The following PAX5 variants were observed in gnomAD, a reference collection of about 807,000 sequenced individuals.
PAX5 encodes the protein paired box 5.
Under a neutral mutation model 43.7 loss-of-function variants are expected in PAX5, and 9 were observed. That is an observed-to-expected ratio of 0.21 (90% CI 0.12 to 0.36). The LOEUF is 0.36. Among genes scored for constraint, PAX5 ranks in the 10% least tolerant of loss-of-function variants. The pLI is 1.00. For synonymous variants in PAX5, 228 were observed against 214.3 expected, an observed-to-expected ratio of 1.06 and a Z score of -0.56; for missense variants, 383 against 532.7, an observed-to-expected ratio of 0.72 and a Z score of 2.77.
intron 5 of PAX5, among the ~76,000 whole-genome samples, chr9:36,998,201 T>A: frequency 6.6e-6 from 1 of 152,222 alleles, no homozygotes. Context: ...TCTTACCTGC[T>A]GCTGAAGAAC....
intron 8 of PAX5, chr9:36,861,115 T>C (rs1824176287): frequency 6.6e-6 from 1 of 151,842 alleles, no homozygotes. Flanking sequence ...AGAGGGCAAA[T>C]GCAGGGCTCA....
At chr9:36,891,909 C>T (rs989829976) in intron 7 of PAX5, among the ~76,000 whole-genome samples, 10 of 152,310 alleles carry the variant, frequency 6.6e-5, no homozygotes, top group African/African-American at 2.2e-4. Flanking sequence ...CTCCTCACTC[C>T]TTCCTCTGAA....
At chr9:36,996,006 G>A (rs933182330) in intron 5 of PAX5, among the ~76,000 whole-genome samples, 3 of 152,224 alleles carry the variant, frequency 2.0e-5, no homozygotes, top group Admixed American at 2.0e-4. Context: ...TTCTGCAGCC[G>A]ACACCTGGGG....
intron 7 of PAX5, among the ~76,000 whole-genome samples, chr9:36,907,408 G>A (rs1426232436): frequency 3.3e-5 from 5 of 152,106 alleles, no homozygotes; most frequent in Non-Finnish European, 7.4e-5. Flanking sequence ...ATAGCATGGG[G>A]GAGGCCATAG....
At chr9:36,928,971 C>T (rs1170850557) in intron 6 of PAX5, among the ~76,000 whole-genome samples, 1 of 152,216 alleles carries the variant, frequency 6.6e-6, no homozygotes, top group African/African-American at 2.4e-5. Flanking sequence ...CTGGAAACCA[C>T]TGCATGTCTC....
chr9:36,847,486 C>T lies in PAX5; in HGVS notation c.1013-557G>A, dbSNP rs142509299. Among the ~76,000 whole-genome samples the T allele has an allele frequency of 1.9e-4, 29 of 152,234 alleles. No individual in the cohort carries two copies. The East Asian group carries it at 4.8e-3, about 25-fold the overall frequency. ...GTGGCTGTCCCTGGGGCCTCAGTCT[C>T]GTCAGGGAGATGAGACATAAACCCA... On this transcript the variant is annotated intron_variant, in intron 8 of 9. Transcript: ENST00000358127.
intron 7 of PAX5, among the ~76,000 whole-genome samples, chr9:36,895,619 T>C (rs1827796704): frequency 6.6e-6 from 1 of 152,278 alleles, no homozygotes; most frequent in South Asian, 2.1e-4. Flanking sequence ...GCCTGGCCCA[T>C]GTAAGTGCTC....
chr9:36,942,748 T>C (rs1477351407), intron 6 of PAX5, among the ~76,000 whole-genome samples: 2 of 152,202 alleles, frequency 1.3e-5, no homozygotes, highest in Non-Finnish European at 2.9e-5. Flanking sequence ...AATTTTAACC[T>C]AGGTTATGTA....
At chr9:36,991,749 G>A (rs1313267618) in intron 5 of PAX5, among the ~76,000 whole-genome samples, 2 of 151,814 alleles carry the variant, frequency 1.3e-5, no homozygotes, top group African/African-American at 4.8e-5. Context: ...GTCCTGGGTC[G>A]ATGGTGCCAC....
intron 5 of PAX5, among the ~76,000 whole-genome samples, chr9:36,984,931 G>C (rs1408516619): frequency 6.6e-6 from 1 of 152,172 alleles, no homozygotes; most frequent in Non-Finnish European, 1.5e-5. Flanking sequence ...TGGGAGCAGG[G>C]ACCTGGGTCC....
At chr9:36,955,997 A>G (rs1833441301) in intron 6 of PAX5, among the ~76,000 whole-genome samples, 1 of 152,210 alleles carries the variant, frequency 6.6e-6, no homozygotes. Flanking sequence ...GACTTCCTTA[A>G]GTCAAACTTC....
intron 4 of PAX5, among the ~76,000 whole-genome samples, chr9:37,004,441 T>C (rs1271606187): frequency 3.3e-5 from 5 of 152,190 alleles, no homozygotes; most frequent in Non-Finnish European, 5.9e-5. Context: ...CTTTGACTCT[T>C]AAGAGTAGGA....
chr9:36,905,589 A>G (rs1422551799), intron 7 of PAX5, among the ~76,000 whole-genome samples: 1 of 151,894 alleles, frequency 6.6e-6, no homozygotes, highest in Non-Finnish European at 1.5e-5. Context: ...GGAGTCAGGG[A>G]CTCCGCATGG....
At chr9:37,026,181 G>C (rs958895489) in intron 1 of PAX5, among the ~76,000 whole-genome samples, 2 of 152,238 alleles carry the variant, frequency 1.3e-5, no homozygotes, top group East Asian at 1.9e-4. Context: ...CTGAGACTCT[G>C]ACTGGCCTCT....
At chr9:36,940,884 G>T (rs1025324578) in intron 6 of PAX5, among the ~76,000 whole-genome samples, 2 of 152,122 alleles carry the variant, frequency 1.3e-5, no homozygotes, top group Admixed American at 1.3e-4. Flanking sequence ...CTAAAGAAAC[G>T]CAATGAGAGG....
intron 5 of PAX5, among the ~76,000 whole-genome samples, chr9:36,975,895 C>T (rs939281472): frequency 2.6e-5 from 4 of 152,166 alleles, no homozygotes; most frequent in African/African-American, 4.8e-5. Flanking sequence ...AGGGCAGAGC[C>T]CATGTCCCAT....
chr9:36,953,772 A>C (rs1056404407), intron 6 of PAX5, among the ~76,000 whole-genome samples: 1 of 152,018 alleles, frequency 6.6e-6, no homozygotes, highest in African/African-American at 2.4e-5. Context: ...AATTATAGTC[A>C]TTTTAAATTC....
At position 36,898,068 on chromosome 9, in the gene PAX5, C is replaced by T. The variant is rs117947950; in HGVS notation, c.911-15963G>A. Among the ~76,000 whole-genome samples the T allele has an allele frequency of 3.8e-4, 58 of 152,318 alleles. 1 individual carries two copies. The East Asian group carries it at 0.011, about 29-fold the overall frequency. Reference sequence around the variant, plus strand: ...CTGAAAATGGGAACCATGCCCCTTGCTCTGCCTCCCATGGTTTGTTCCTGG... The same window carrying T: ...CTGAAAATGGGAACCATGCCCCTTGTTCTGCCTCCCATGGTTTGTTCCTGG... On this transcript the variant is annotated intron_variant, in intron 7 of 9. Transcript: ENST00000358127.
intron 7 of PAX5, among the ~76,000 whole-genome samples, chr9:36,883,971 ATCT>A (rs1826691254): frequency 6.6e-6 from 1 of 152,042 alleles, no homozygotes; most frequent in Non-Finnish European, 1.5e-5. Flanking sequence ...CATCCCAATA[ATCT>A]TAGAAGAAAT....
Sources: allele counts gnomAD v4.1 joint callset (sites outside exome capture counted in the v4.1 genomes callset), GRCh38; gene constraint gnomAD v4.1.1; transcripts MANE v1.5; gene names NCBI Gene and HGNC (gene_info 2026-07-23, HGNC 2026-07-21).